SLC7A5: variants seen among roughly 807,000 people sequenced by gnomAD.
SLC7A5 encodes the protein solute carrier family 7 member 5.
SLC7A5 carries 23 observed loss-of-function variants against 50.2 expected under a neutral mutation model. That is an observed-to-expected ratio of 0.46 (90% CI 0.33 to 0.65). SLC7A5 has a LOEUF of 0.65. Among genes scored for constraint, SLC7A5 ranks in the 30% least tolerant of loss-of-function variants. The probability of loss-of-function intolerance (pLI) is 0.02; values close to 1 mark genes in which losing one functional copy is unlikely to be tolerated. For missense variants in SLC7A5, 578 were observed against 684.4 expected, an observed-to-expected ratio of 0.84 and a Z score of 1.73; for synonymous variants, 393 against 330.6, an observed-to-expected ratio of 1.19 and a Z score of -2.05.
chr16:87,839,782 G>C lies in SLC7A5; in HGVS notation c.859C>G (p.Leu287Val). The C allele has an allele frequency of 1.9e-6, 3 of 1,613,986 alleles. No homozygotes were observed. The highest frequency in any genetic ancestry group is 2.5e-6 in the Non-Finnish European group (3 of 1,179,988). The change falls in exon 5 of 10, where the codon CTG (leucine) becomes GTG (valine). Residue 287 changes from leucine to valine, a missense_variant. Physicochemically the swap from Leu to Val is conservative, Grantham distance 32. This residue lies in a region of SLC7A5 where 465 missense variants were observed against 594.6 expected (regional missense o/e 0.78). Coordinates refer to ENST00000261622, the MANE Select transcript of SLC7A5 (RefSeq NM_003486.7). Reference sequence around the variant, plus strand: ...GCCAGGTTGGTCAGCACGTACACCAGCGTCACGATGGGCAGGGAGATGATG... The same window carrying C: ...GCCAGGTTGGTCAGCACGTACACCACCGTCACGATGGGCAGGGAGATGATG... The part of the protein sequence containing the change: ...AIIISLPIVT[L>V]VYVLTNLAYF...
chr16:87,854,173 G>T (rs967562863), intron 1 of SLC7A5, among the ~76,000 whole-genome samples: 5 of 151,710 alleles, frequency 3.3e-5, no homozygotes, highest in Admixed American at 1.3e-4. Context: ...CCACCGGGAG[G>T]GTTCACCAGA....
In SLC7A5 at chr16:87,861,627, C is replaced by G. The variant is rs1205283987; in HGVS notation, c.538+7258G>C. 6.6e-6 allele frequency among the ~76,000 whole-genome samples: 1 copy of G among 152,142 alleles called. No individual in the cohort carries two copies. The highest frequency in any genetic ancestry group is 2.4e-5 in the African/African-American group (1 of 41,426). On this transcript the variant is annotated intron_variant, in intron 1 of 9. Coordinates refer to ENST00000261622, the MANE Select transcript of SLC7A5 (RefSeq NM_003486.7). The surrounding 1 kb of genome is among the most constrained non-coding windows in gnomAD (Gnocchi z 4.2). Reference sequence around the variant, plus strand: ...AAGAGTGTGCCCTACCTTGGACACCCCTCTCCTGGGGGTGGCTCTCAACCT... The same window carrying G: ...AAGAGTGTGCCCTACCTTGGACACCGCTCTCCTGGGGGTGGCTCTCAACCT...
In SLC7A5 at chr16:87,860,014, A is replaced by G. The variant is rs1597515483; in HGVS notation, c.539-8165T>C. Among the ~76,000 whole-genome samples, 1 of 151,904 alleles carries G rather than the reference A, an allele frequency of 6.6e-6. No individual in the cohort carries two copies. Among genetic ancestry groups the G allele is most frequent in the Non-Finnish European group, 1.5e-5 (1 of 67,986 alleles). On this transcript the variant is annotated intron_variant, in intron 1 of 9. Coordinates refer to ENST00000261622, the MANE Select transcript of SLC7A5 (RefSeq NM_003486.7). This position sits in a 1 kb window ranked among gnomAD's most constrained non-coding sequence, Gnocchi z 4.8. The stretch of plus-strand genomic sequence containing the variant: ...TCTATTGATACCAGGTCTTTAGCTA[A>G]TAACTCTTTCAACCAATTGTGAATC...
In SLC7A5 at chr16:87,841,917, C is replaced by T. The variant is rs535888952; in HGVS notation, c.665-762G>A. Among the ~76,000 whole-genome samples the T allele has an allele frequency of 1.3e-5, 2 of 152,330 alleles. No homozygotes were observed. Among genetic ancestry groups the T allele is most frequent in the South Asian group, 4.1e-4 (2 of 4,828 alleles). The stretch of plus-strand genomic sequence containing the variant: ...ATAAGGCCACCAGCATTCACAGGTT[C>T]CCCAGGAGGACATGTCTTTTGGGGG... On this transcript the variant is annotated intron_variant, in intron 2 of 9. Coordinates refer to ENST00000261622, the MANE Select transcript of SLC7A5 (RefSeq NM_003486.7). This position sits in a 1 kb window ranked among gnomAD's most constrained non-coding sequence, Gnocchi z 4.8.
In SLC7A5 at chr16:87,849,435, G is replaced by A. The variant is rs1309480283; in HGVS notation, c.664+2289C>T. ...TGGGAGGACGCTTTCAACAGCTAAC[G>A]GAATTATAAACCTATTATGTATTCA... On this transcript the variant is annotated intron_variant, in intron 2 of 9. Transcript: ENST00000261622. Among the ~76,000 whole-genome samples the A allele has an allele frequency of 4.6e-5, 7 of 152,124 alleles. No homozygotes were observed. In the South Asian group the frequency reaches 6.2e-4, roughly 13 times the overall value.
chr16:87,863,986 A>AATATATATATATATATATATATATAT (rs58063420), intron 1 of SLC7A5, among the ~76,000 whole-genome samples: 1,906 of 82,962 alleles, frequency 0.023, 186 homozygotes, highest in Non-Finnish European at 0.035. Flanking sequence ...ATCATTTAAA[A>AATATATATATATATATATATATATAT]ATATATATAT....
intron 2 of SLC7A5, among the ~76,000 whole-genome samples, chr16:87,842,729 GAGA>G (rs1288683593): frequency 1.3e-5 from 2 of 152,220 alleles, no homozygotes; most frequent in Non-Finnish European, 2.9e-5. Flanking sequence ...TTGATCTCCT[GAGA>G]AGGAGCTCCA....
In SLC7A5 at chr16:87,848,829, T is replaced by C. The variant is rs530548203; in HGVS notation, c.664+2895A>G. Among the ~76,000 whole-genome samples, 61 of 152,322 alleles carry C rather than the reference T, an allele frequency of 4.0e-4. No homozygotes were observed. In the East Asian group the frequency reaches 9.8e-3, roughly 25 times the overall value. ...GCCATGTTCTCATTGGGACCCGGCA[T>C]AGATGCGGCACACGGGACAGAAGAT... On this transcript the variant is annotated intron_variant, in intron 2 of 9. Transcript: ENST00000261622.
In SLC7A5 at chr16:87,869,451, C is replaced by G; in HGVS notation, c.-29G>C. On this transcript the variant is annotated 5_prime_UTR_variant, in exon 1 of 10. Coordinates refer to ENST00000261622, the MANE Select transcript of SLC7A5 (RefSeq NM_003486.7). ...CTGCGCACCGGCCGGGCCTGGGACACCCGGGAGCCGCGGCCCAGCGAGCAG... is the reference window on the plus strand; with the variant it reads ...CTGCGCACCGGCCGGGCCTGGGACAGCCGGGAGCCGCGGCCCAGCGAGCAG... 1 of 1,353,632 alleles carries G rather than the reference C, an allele frequency of 7.4e-7. No individual in the cohort carries two copies. Among genetic ancestry groups the G allele is most frequent in the Non-Finnish European group, 9.4e-7 (1 of 1,061,496 alleles). 83.9% of individuals were successfully genotyped at this position (1,353,632 alleles called of 1,614,324 possible).
chr16:87,856,710 T>A (rs936919769), intron 1 of SLC7A5, among the ~76,000 whole-genome samples: 2 of 152,210 alleles, frequency 1.3e-5, no homozygotes, highest in African/African-American at 4.8e-5. Flanking sequence ...GGGGCTTTAG[T>A]AGAACCAGTA....
Position 87,833,481 on chromosome 16 carries a change from C to T in SLC7A5, c.1469-456G>A, listed in dbSNP as rs1251231034. ...GACCTGTCGCGCCTGGGACTGTCTA[C>T]AGAGACATCACTCTGTGGAGGGGGA... On this transcript the variant is annotated intron_variant, in intron 9 of 9. Coordinates refer to ENST00000261622, the MANE Select transcript of SLC7A5 (RefSeq NM_003486.7). The surrounding 1 kb of genome is among the most constrained non-coding windows in gnomAD (Gnocchi z 6.0). Among the ~76,000 whole-genome samples the T allele has an allele frequency of 6.6e-6, 1 of 152,218 alleles. No individual in the cohort carries two copies. Among genetic ancestry groups the T allele is most frequent in the Non-Finnish European group, 1.5e-5 (1 of 68,034 alleles).
chr16:87,864,082 A>G (rs2055432306), intron 1 of SLC7A5, among the ~76,000 whole-genome samples: 1 of 146,818 alleles, frequency 6.8e-6, no homozygotes, highest in Non-Finnish European at 1.5e-5. Context: ...ACCTGAGGTC[A>G]GGAGTTCGAG....
At chr16:87,839,666 C>A in intron 5 of SLC7A5, 36 bp downstream of exon 5, 1 of 1,612,006 alleles carries the variant, frequency 6.2e-7, no homozygotes, top group South Asian at 1.1e-5. Flanking sequence ...CACAGCCTCT[C>A]AGGCCCCTGG....
chr16:87,850,212 C>T (rs537574128), intron 2 of SLC7A5, among the ~76,000 whole-genome samples: 2 of 152,274 alleles, frequency 1.3e-5, no homozygotes, highest in East Asian at 1.9e-4. Context: ...CTGGGTGCTG[C>T]GGGGCACTGT....
intron 5 of SLC7A5, 98 bp downstream of exon 5, chr16:87,839,604 G>C: frequency 6.3e-7 from 1 of 1,576,744 alleles, no homozygotes; most frequent in South Asian, 1.1e-5. Context: ...CTCTGCGTAG[G>C]GGAGGCTTAG....
chr16:87,834,267 T>C (rs920068653), intron 9 of SLC7A5, 147 bp downstream of exon 9: 2 of 759,660 alleles, frequency 2.6e-6, no homozygotes, highest in Non-Finnish European at 4.7e-6. Context: ...GTGGGCTGCG[T>C]GTCACTGGCG....
Sources: gnomAD v4.1 joint callset for allele counts (sites outside exome capture counted in the v4.1 genomes callset) on GRCh38, gnomAD v4.1.1 for gene constraint, gnomAD v4.1.1 regional missense constraint, Gnocchi (gnomAD v3.1) non-coding constraint, MANE v1.5 for transcripts, NCBI Gene and HGNC (gene_info 2026-07-23, HGNC 2026-07-21) for gene names.